CRB1: variants seen among roughly 807,000 people sequenced by gnomAD.
The protein encoded by CRB1 is protein crumbs homolog 1.
CRB1 carries 83 observed loss-of-function variants against 120.0 expected under a neutral mutation model. That is an observed-to-expected ratio of 0.69 (90% CI 0.58 to 0.83). The LOEUF (loss-of-function observed/expected upper bound fraction) is 0.83, where lower values mean the gene tolerates loss of function less well. Ranked by LOEUF, CRB1 falls within the 40% of genes least tolerant of loss-of-function variation. The pLI, the probability that CRB1 is intolerant of heterozygous loss-of-function variation, is 0.00. For synonymous variants in CRB1, 625 were observed against 612.5 expected, an observed-to-expected ratio of 1.02 and a Z score of -0.30; for missense variants, 1,699 against 1,687.6, an observed-to-expected ratio of 1.01 and a Z score of -0.12.
intron 5 of CRB1, among the ~76,000 whole-genome samples, chr1:197,417,368 C>A (rs1229125544): frequency 1.5e-4 from 23 of 152,208 alleles, no homozygotes; most frequent in Admixed American, 1.5e-3. Flanking sequence ...CCTCCTACTG[C>A]AGGTTAAGGG....
At chr1:197,366,326 G>T (rs1661075314) in intron 5 of CRB1, among the ~76,000 whole-genome samples, 1 of 151,952 alleles carries the variant, frequency 6.6e-6, no homozygotes, top group Non-Finnish European at 1.5e-5. Context: ...TCTATTGGTT[G>T]TTAGATTAAA....
At chr1:197,351,187 C>CAAAAAAAAAAA (rs780090689) in intron 4 of CRB1, among the ~76,000 whole-genome samples, 20 of 85,356 alleles carry the variant, frequency 2.3e-4, no homozygotes, top group Middle Eastern at 7.5e-3. Context: ...ACTAAAAATA[C>CAAAAAAAAAAA]AAAAAAAAAA....
intron 1 of CRB1, among the ~76,000 whole-genome samples, chr1:197,308,585 A>G (rs1166330154): frequency 6.6e-6 from 1 of 152,142 alleles, no homozygotes; most frequent in African/African-American, 2.4e-5. Context: ...TGTTATCTAT[A>G]TTCATGAATG....
intron 11 of CRB1, chr1:197,443,942 A>C (rs1038471887): frequency 6.6e-6 from 1 of 152,184 alleles, no homozygotes; most frequent in Non-Finnish European, 1.5e-5. Flanking sequence ...GATCCTATGA[A>C]TTAATTCAGA....
chr1:197,327,880 CT>C (rs776178106), intron 1 of CRB1, among the ~76,000 whole-genome samples: 3 of 152,032 alleles, frequency 2.0e-5, no homozygotes, highest in Non-Finnish European at 2.9e-5. Flanking sequence ...TGACATTTTC[CT>C]TGAAGGAATT....
intron 2 of CRB1, among the ~76,000 whole-genome samples, chr1:197,342,559 T>C (rs1659530813): frequency 6.6e-6 from 1 of 152,224 alleles, no homozygotes; most frequent in Non-Finnish European, 1.5e-5. Context: ...ACATTAATTG[T>C]TGATTTTTTT....
chr1:197,442,152 T>C lies in CRB1; in HGVS notation c.3879-14T>C. The C allele has an allele frequency of 1.2e-6, 2 of 1,614,140 alleles. No individual in the cohort carries two copies. The highest frequency in any genetic ancestry group is 1.7e-6 in the Non-Finnish European group (2 of 1,180,006). On this transcript the variant is annotated splice_polypyrimidine_tract_variant and intron_variant, in intron 10 of 11. Transcript: ENST00000367400. ...ACAGGGACCTGGGTTTCTGCTGTTC[T>C]GTTTATTTTGAAGGTGTGAAAAGGA... is the stretch of plus-strand genomic sequence containing the variant.
At chr1:197,462,139 T>C (rs920488323) in intron 11 of CRB1, among the ~76,000 whole-genome samples, 3 of 152,200 alleles carry the variant, frequency 2.0e-5, no homozygotes, top group African/African-American at 7.2e-5. Flanking sequence ...CTTGATTTTG[T>C]ACATGATAGT....
Position 197,477,719 on chromosome 1 carries a change from C to A in CRB1, c.4061C>A (p.Ala1354Asp), listed in dbSNP as rs760100325. 7 of 1,613,798 alleles carry A rather than the reference C, an allele frequency of 4.3e-6. No individual in the cohort carries two copies. In the African/African-American group the frequency reaches 9.3e-5, roughly 22 times the overall value. The change falls in exon 12 of 12, where the codon GCC becomes GAC. Residue 1354 changes from alanine to aspartate, a missense_variant. Coordinates refer to ENST00000367400, the MANE Select transcript of CRB1 (RefSeq NM_201253.3). Reference protein sequence around the residue: ...IFTTIGSVTVALLLILLLAIV... With the variant: ...IFTTIGSVTVDLLLILLLAIV... ...ACCACTATTGGCTCAGTGACTGTCGCCTTGTTACTGATCCTCTTGCTGGCC... is the reference window on the plus strand; with the variant it reads ...ACCACTATTGGCTCAGTGACTGTCGACTTGTTACTGATCCTCTTGCTGGCC...
intron 9 of CRB1, among the ~76,000 whole-genome samples, chr1:197,437,716 C>T (rs900738188): frequency 1.3e-5 from 2 of 152,102 alleles, no homozygotes; most frequent in Non-Finnish European, 1.5e-5. Context: ...ATAAGCTAGT[C>T]TATCCACATT....
At chr1:197,370,044 A>G (rs899095231) in intron 5 of CRB1, among the ~76,000 whole-genome samples, 4 of 152,150 alleles carry the variant, frequency 2.6e-5, no homozygotes, top group African/African-American at 7.2e-5. Context: ...ATCCAGCGAA[A>G]CTGAGCCTCA....
At chr1:197,203,350 C>T in the CRB1 span, among the ~76,000 whole-genome samples, 3 of 152,018 alleles carry the variant, frequency 2.0e-5, no homozygotes, top group Non-Finnish European at 2.9e-5. Context: ...GAGACAGTCT[C>T]GCTCTGTCAC....
chr1:197,432,546 T>C (rs1664924923), intron 8 of CRB1, among the ~76,000 whole-genome samples: 1 of 152,106 alleles, frequency 6.6e-6, no homozygotes, highest in East Asian at 1.9e-4. Context: ...GTTATTTTCA[T>C]AGAGTATTCA....
intron 5 of CRB1, among the ~76,000 whole-genome samples, chr1:197,366,527 A>C (rs556111527): frequency 6.6e-6 from 1 of 152,342 alleles, no homozygotes; most frequent in African/African-American, 2.4e-5. Context: ...TTGCATATGT[A>C]ACGTAATTTT....
intron 1 of CRB1, among the ~76,000 whole-genome samples, chr1:197,326,977 A>G (rs960071422): frequency 2.0e-5 from 3 of 151,766 alleles, no homozygotes; most frequent in African/African-American, 7.3e-5. Flanking sequence ...TAAATTTTCT[A>G]TTAAGAACTC....
chr1:197,465,309 C>T (rs890304853), intron 11 of CRB1, among the ~76,000 whole-genome samples: 16 of 152,106 alleles, frequency 1.1e-4, no homozygotes, highest in African/African-American at 3.6e-4. Flanking sequence ...CAAATGAAAA[C>T]CTAGCCTTTG....
At chr1:197,414,505 C>G (rs1402259535) in intron 5 of CRB1, among the ~76,000 whole-genome samples, 1 of 151,956 alleles carries the variant, frequency 6.6e-6, no homozygotes, top group Non-Finnish European at 1.5e-5. Flanking sequence ...TTTTGAAATA[C>G]AGTATTATTA....
chr1:197,345,986 T>A (rs1272357605), intron 3 of CRB1, among the ~76,000 whole-genome samples: 8 of 152,052 alleles, frequency 5.3e-5, no homozygotes, highest in Admixed American at 3.9e-4. Flanking sequence ...CAATGGAAGT[T>A]TCCACACAAG....
the CRB1 span, among the ~76,000 whole-genome samples, chr1:197,248,797 A>G: frequency 9.2e-5 from 14 of 151,924 alleles, no homozygotes; most frequent in African/African-American, 3.1e-4. Context: ...TGCAAAGATT[A>G]AACTCTGATA....
Sources: gnomAD v4.1 joint callset for allele counts (sites outside exome capture counted in the v4.1 genomes callset) on GRCh38, gnomAD v4.1.1 for gene constraint, MANE v1.5 for transcripts, NCBI Gene and HGNC (gene_info 2026-07-23, HGNC 2026-07-21) for gene names.